The following HNF4G variants were observed in gnomAD, a reference collection of about 807,000 sequenced individuals.
HNF4G encodes the protein hepatocyte nuclear factor 4-gamma.
Under a neutral mutation model 50.9 loss-of-function variants are expected in HNF4G, and 21 were observed. That is an observed-to-expected ratio of 0.41 (90% CI 0.29 to 0.59). The LOEUF (loss-of-function observed/expected upper bound fraction) is 0.59, where lower values mean the gene tolerates loss of function less well. Ranked by LOEUF, HNF4G falls within the 20% of genes least tolerant of loss-of-function variation. The pLI, the probability that HNF4G is intolerant of heterozygous loss-of-function variation, is 0.26. For synonymous variants in HNF4G, 198 were observed against 185.6 expected, an observed-to-expected ratio of 1.07 and a Z score of -0.54; for missense variants, 527 against 559.4, an observed-to-expected ratio of 0.94 and a Z score of 0.58.
Position 75,560,362 on chromosome 8 carries a change from G to C in HNF4G, c.1142G>C (p.Ser381Thr), listed in dbSNP as rs199803114. The C allele has an allele frequency of 6.0e-5, 96 of 1,612,638 alleles. No individual in the cohort carries two copies. The highest frequency in any genetic ancestry group is 7.9e-5 in the Non-Finnish European group (93 of 1,178,978). ...MLLGGASNDG[S>T]HLHHPMHPHL... The stretch of plus-strand genomic sequence containing the variant: ...TTTGTAGGGGCTTCCAATGATGGCA[G>C]TCATCTCCATCATCCAATGCATCCA... The change falls in exon 9 of 10, where the codon AGT becomes ACT. Residue 381 changes from serine to threonine, a missense_variant. Ser to Thr is a moderately conservative substitution (Grantham distance 58). This residue lies in a region of HNF4G where 308 missense variants were observed against 301.5 expected (regional missense o/e 1.02). Coordinates refer to ENST00000396423, the MANE Select transcript of HNF4G (RefSeq NM_004133.5).
chr8:75,560,436 A>G lies in HNF4G; in HGVS notation c.1216A>G (p.Met406Val), dbSNP rs1224505037. 3.7e-6 allele frequency: 6 copies of G among 1,613,206 alleles called. 1 individual carries two copies. Among genetic ancestry groups the G allele is most frequent in the East Asian group, 4.5e-5 (2 of 44,848 alleles). ...LTGQTILLGP[M>V]STLVHADQIS... is the part of the protein sequence containing the mutation. ...TGGACAAACTATACTTTTAGGTCCC[A>G]TGTCAACACTGGTTCATGCAGACCA... The change falls in exon 9 of 10, where the codon ATG becomes GTG. Residue 406 changes from methionine to valine, a missense_variant. Met to Val is a conservative substitution (Grantham distance 21, BLOSUM62 1). This residue lies in a region of HNF4G where 308 missense variants were observed against 301.5 expected (regional missense o/e 1.02). Transcript: ENST00000396423.
rs1456834657 is a variant in HNF4G, at chr8:75,515,890, C to T, written c.-24+25682C>T. Among the ~76,000 whole-genome samples, 8 of 152,144 alleles carry T rather than the reference C, an allele frequency of 5.3e-5. No homozygotes were observed. In the East Asian group the frequency reaches 1.2e-3, roughly 22 times the overall value. On this transcript the variant is annotated intron_variant, in intron 2 of 10. Coordinates refer to the HNF4G transcript ENST00000354370. ...AAGTGATTCTCCTGCCTCAGCCTCCCGAGTAGCTGGGATTACAGGCATGCG... is the reference window on the plus strand; with the variant it reads ...AAGTGATTCTCCTGCCTCAGCCTCCTGAGTAGCTGGGATTACAGGCATGCG...
intron 1 of HNF4G, among the ~76,000 whole-genome samples, chr8:75,429,179 G>A (rs1810952071): frequency 6.6e-6 from 1 of 152,076 alleles, no homozygotes. Context: ...ATAGGAAGAA[G>A]ACCAAAGGTT....
intron 2 of HNF4G, among the ~76,000 whole-genome samples, chr8:75,523,222 T>TGAAAAAAAA (rs1163448746): frequency 6.6e-6 from 1 of 151,782 alleles, no homozygotes; most frequent in Non-Finnish European, 1.5e-5. Context: ...AGACTCCGTC[T>TGAAAAAAAA]GAAAAAAAAG....
intron 1 of HNF4G, among the ~76,000 whole-genome samples, chr8:75,441,128 G>T (rs1402588401): frequency 6.6e-6 from 1 of 152,034 alleles, no homozygotes; most frequent in Non-Finnish European, 1.5e-5. Context: ...GTTCTATTGT[G>T]CATGACTTGT....
At chr8:75,495,576 C>T (rs1450320713) in intron 2 of HNF4G, 2 of 145,394 alleles carry the variant, frequency 1.4e-5, no homozygotes, top group Admixed American at 6.9e-5. Context: ...TCTCCTCTGT[C>T]ACCCAGGCTG....
At chr8:75,532,680 G>A (rs1806360669) in intron 2 of HNF4G, among the ~76,000 whole-genome samples, 1 of 151,988 alleles carries the variant, frequency 6.6e-6, no homozygotes, top group Non-Finnish European at 1.5e-5. Flanking sequence ...AATGGAATAA[G>A]ATTTTCTTCC....
intron 1 of HNF4G, among the ~76,000 whole-genome samples, chr8:75,423,983 C>T (rs979414598): frequency 6.6e-6 from 1 of 151,252 alleles, no homozygotes; most frequent in Non-Finnish European, 1.5e-5. Context: ...ATCACCACAC[C>T]CAGCTAATTT....
At chr8:75,560,137 A>G (rs1807264652) in intron 8 of HNF4G, among the ~76,000 whole-genome samples, 1 of 152,248 alleles carries the variant, frequency 6.6e-6, no homozygotes, top group South Asian at 2.1e-4. Flanking sequence ...ACAGCATAAT[A>G]TGATGCAACA....
chr8:75,492,049 A>G (rs1812645133), intron 2 of HNF4G, among the ~76,000 whole-genome samples: 1 of 152,254 alleles, frequency 6.6e-6, no homozygotes, highest in Non-Finnish European at 1.5e-5. Context: ...GCTTTGTGCC[A>G]GCACATATTG....
Position 75,565,295 on chromosome 8 carries a change from G to T in HNF4G, c.*1199G>T, listed in dbSNP as rs977959325. The T allele has an allele frequency of 1.3e-5, 2 of 152,108 alleles. No homozygotes were observed. Among genetic ancestry groups the T allele is most frequent in the South Asian group, 2.1e-4 (1 of 4,826 alleles). The allele number at this position is 152,108 out of a possible 1,614,324, so 9.4% of individuals were successfully genotyped here. ...ATATTGCCTATAATATATATTTACC[G>T]ATAAGCAGTGAGTGTAAAATTGTTG... On this transcript the variant is annotated 3_prime_UTR_variant, in exon 10 of 10. Coordinates refer to ENST00000396423, the MANE Select transcript of HNF4G (RefSeq NM_004133.5).
rs1806824745 is a variant in HNF4G, at chr8:75,547,641, T to C, written c.342T>C (p.Cys114=). 1 of 1,611,524 alleles carries C rather than the reference T, an allele frequency of 6.2e-7. No individual in the cohort carries two copies. The highest frequency in any genetic ancestry group is 1.3e-5 in the African/African-American group (1 of 74,870). The change falls in exon 3 of 10, where the codon TGT becomes TGC. Residue 114 remains cysteine (C), a synonymous_variant. Transcript: ENST00000396423. The part of the protein sequence containing the change: ...DKDKRNQCRY[C]RLRKCFRAGM... ...ACAAAAGGAATCAATGTAGATATTG[T>C]CGATTAAGAAAGTGTTTTAGAGCGG...
intron 2 of HNF4G, among the ~76,000 whole-genome samples, chr8:75,529,681 G>A (rs960033838): frequency 1.3e-5 from 2 of 151,904 alleles, no homozygotes; most frequent in African/African-American, 2.4e-5. Flanking sequence ...AAACAGAAAA[G>A]GGTTCTGTGA....
intron 2 of HNF4G, among the ~76,000 whole-genome samples, chr8:75,491,731 C>G (rs972572037): frequency 6.6e-6 from 1 of 152,188 alleles, no homozygotes; most frequent in Non-Finnish European, 1.5e-5. Context: ...CCGTCTTGGC[C>G]TCCCAAAGTG....
At chr8:75,541,289 CTTGT>C (rs1806615051) in intron 1 of HNF4G, among the ~76,000 whole-genome samples, 1 of 152,012 alleles carries the variant, frequency 6.6e-6, no homozygotes. Context: ...TATGGTGTAA[CTTGT>C]TTGTTTGTAA....
At chr8:75,509,182 G>C (rs1302178940) in intron 2 of HNF4G, among the ~76,000 whole-genome samples, 2 of 152,150 alleles carry the variant, frequency 1.3e-5, no homozygotes, top group Non-Finnish European at 2.9e-5. Context: ...GTTAGGCTTA[G>C]GGTCAAATTC....
At chr8:75,547,386 T>C (rs1806814752) in intron 2 of HNF4G, among the ~76,000 whole-genome samples, 1 of 152,252 alleles carries the variant, frequency 6.6e-6, no homozygotes, top group Non-Finnish European at 1.5e-5. Context: ...TTTATTTTAC[T>C]ATAAAGACTA....
Position 75,565,603 on chromosome 8 carries a change from C to G in HNF4G, c.*1507C>G, listed in dbSNP as rs1006582040. 6.6e-6 allele frequency: 1 copy of G among 151,976 alleles called. No individual in the cohort carries two copies. The highest frequency in any genetic ancestry group is 1.5e-5 in the Non-Finnish European group (1 of 67,992). 9.4% of individuals were successfully genotyped at this position (151,976 alleles called of 1,614,324 possible). A position where few individuals can be genotyped will look rare whatever the true frequency, so the allele number is the denominator to read the frequency against. ...TGGGCCACCTCATGATGCAGTGGCT[C>G]CTCTCTGGTTGAGGAGAGGGAAAAT... On this transcript the variant is annotated 3_prime_UTR_variant, in exon 10 of 10. Coordinates refer to ENST00000396423, the MANE Select transcript of HNF4G (RefSeq NM_004133.5).
chr8:75,481,829 C>CA (rs202210681), intron 1 of HNF4G, among the ~76,000 whole-genome samples: 5,738 of 150,528 alleles, frequency 0.038, 132 homozygotes, highest in South Asian at 0.056. Flanking sequence ...AATGCCCAAA[C>CA]AAAAAAAAAT....
Sources: allele counts gnomAD v4.1 joint callset (sites outside exome capture counted in the v4.1 genomes callset), GRCh38; gene constraint gnomAD v4.1.1; regional missense constraint gnomAD v4.1.1; transcripts MANE v1.5; gene names NCBI Gene and HGNC (gene_info 2026-07-23, HGNC 2026-07-21).